CRISP2: variants seen among roughly 807,000 people sequenced by gnomAD.
CRISP2 encodes cysteine-rich secretory protein 2.
Under a neutral mutation model 31.7 loss-of-function variants are expected in CRISP2, and 29 were observed. The observed-to-expected ratio is 0.92, with a 90% confidence interval of 0.68 to 1.25. The LOEUF is 1.25. CRISP2 is among the 50% of genes most tolerant of loss of function. CRISP2 has a pLI of 0.00. For missense variants in CRISP2, 318 were observed against 286.5 expected, an observed-to-expected ratio of 1.11 and a Z score of -0.79; for synonymous variants, 111 against 101.4, an observed-to-expected ratio of 1.09 and a Z score of -0.57.
the CRISP2 span, among the ~76,000 whole-genome samples, chr6:49,687,135 T>C: frequency 6.6e-6 from 1 of 152,112 alleles, no homozygotes; most frequent in Non-Finnish European, 1.5e-5. Flanking sequence ...CACACCAACA[T>C]GTCACATGTA....
the CRISP2 span, among the ~76,000 whole-genome samples, chr6:49,679,226 A>G: frequency 2.0e-5 from 3 of 152,154 alleles, no homozygotes; most frequent in African/African-American, 7.2e-5. Flanking sequence ...TTATGCACCA[A>G]GTATTGCTCA....
intron 2 of CRISP2, among the ~76,000 whole-genome samples, chr6:49,711,581 G>A (rs896849768): frequency 3.9e-5 from 6 of 152,120 alleles, no homozygotes; most frequent in Non-Finnish European, 8.8e-5. Context: ...TTAGGCACAC[G>A]ATAATCTGCA....
At chr6:49,697,558 C>T (rs1440674134) in intron 8 of CRISP2, 2 of 465,904 alleles carry the variant, frequency 4.3e-6, no homozygotes, top group East Asian at 1.3e-4. Context: ...GTGATGATAC[C>T]AATTCTAGAG....
Position 49,695,900 on chromosome 6 carries a change from A to G in CRISP2, c.540T>C (p.Asn180=), listed in dbSNP as rs1764658463. 1 of 1,611,314 alleles carries G rather than the reference A, an allele frequency of 6.2e-7. No individual in the cohort carries two copies. Among genetic ancestry groups the G allele is most frequent in the South Asian group, 1.1e-5 (1 of 90,700 alleles). Residue 180 remains asparagine, a synonymous_variant, in exon 9 of 10, where the codon AAT becomes AAC. Coordinates refer to ENST00000339139, the MANE Select transcript of CRISP2 (RefSeq NM_003296.4). Reference sequence around the variant, plus strand: ...AAGGTGTTCCTTGTTGGTACGGGGTATTCTTTCTATTCATATTATTACCAC... The same window carrying G: ...AAGGTGTTCCTTGTTGGTACGGGGTGTTCTTTCTATTCATATTATTACCAC... ...CPAGNNMNRK[N]TPYQQGTPCA...
At chr6:49,681,033 A>G in the CRISP2 span, among the ~76,000 whole-genome samples, 2 of 152,170 alleles carry the variant, frequency 1.3e-5, no homozygotes, top group Admixed American at 6.5e-5. Context: ...TTTTGTTGCA[A>G]TTGCTTTTGG....
chr6:49,684,132 C>G, the CRISP2 span, among the ~76,000 whole-genome samples: 1 of 151,926 alleles, frequency 6.6e-6, no homozygotes. Context: ...GGATAAAGTG[C>G]AAAAATGAAT....
At chr6:49,709,240 A>G in intron 3 of CRISP2, 35 bp from the exon 4 acceptor site, 1 of 1,599,288 alleles carries the variant, frequency 6.3e-7, no homozygotes, top group Non-Finnish European at 8.5e-7. Flanking sequence ...GCATTGAAAT[A>G]TGTAGTTTAA....
chr6:49,687,441 C>A (rs898060878), downstream of CRISP2, among the ~76,000 whole-genome samples: 1 of 152,168 alleles, frequency 6.6e-6, no homozygotes, highest in African/African-American at 2.4e-5. Context: ...TTATCTAACT[C>A]TTCCTGTCCT....
chr6:49,691,427 T>C (rs1764050383), downstream of CRISP2, among the ~76,000 whole-genome samples: 3 of 152,220 alleles, frequency 2.0e-5, no homozygotes, highest in Non-Finnish European at 1.5e-5. Context: ...ATATATTCTA[T>C]AATAGGCAAT....
chr6:49,705,098 C>A (rs779415099), intron 4 of CRISP2, among the ~76,000 whole-genome samples: 23 of 152,036 alleles, frequency 1.5e-4, no homozygotes, highest in Admixed American at 1.1e-3. Flanking sequence ...TTGTCTTTGG[C>A]TACCAGGTTG....
chr6:49,698,569 C>G, intron 6 of CRISP2, 62 bp from the exon 7 acceptor site: 1 of 1,519,842 alleles, frequency 6.6e-7, no homozygotes, highest in Non-Finnish European at 8.8e-7. Context: ...AAATTGACTA[C>G]ACAAACACAA....
the CRISP2 span, among the ~76,000 whole-genome samples, chr6:49,682,360 A>G: frequency 1.6e-4 from 24 of 152,138 alleles, no homozygotes; most frequent in Admixed American, 1.6e-3. Flanking sequence ...TACACTTTCA[A>G]CATGTCCAAA....
downstream of CRISP2, among the ~76,000 whole-genome samples, chr6:49,690,755 T>C (rs571128606): frequency 1.3e-5 from 2 of 152,172 alleles, no homozygotes; most frequent in East Asian, 3.9e-4. Context: ...CATTAACATT[T>C]TGAAAAATTA....
intron 5 of CRISP2, 21 bp downstream of exon 5, chr6:49,700,647 C>T: frequency 1.4e-6 from 2 of 1,466,078 alleles, no homozygotes. Flanking sequence ...ACACCCATCT[C>T]CTTACAGCAC....
intron 9 of CRISP2, 86 bp from the exon 10 acceptor site, chr6:49,692,986 A>C (rs1284663546): frequency 9.1e-6 from 13 of 1,425,850 alleles, no homozygotes; most frequent in Admixed American, 5.3e-5. Flanking sequence ...GGGAGGGGGT[A>C]GGAGGGAACA....
Position 49,701,690 on chromosome 6 carries a change from T to TATGTATACATATATA in CRISP2, c.67-907_67-906insTATATATGTATACAT, listed in dbSNP as rs1561876495. 1.9e-4 allele frequency among the ~76,000 whole-genome samples: 21 copies of TATGTATACATATATA among 112,442 alleles called. 1 individual carries two copies. The highest frequency in any genetic ancestry group is 8.5e-4 in the African/African-American group (21 of 24,834). 73.8% of individuals were successfully genotyped at this position (112,442 alleles called of 152,430 possible). On this transcript the variant is annotated intron_variant, in intron 4 of 9. Transcript: ENST00000339139. ...ATACATTATATATGTATACATTATA[T>TATGTATACATATATA]ATGTATACATTATGTATACATATAT... is the stretch of plus-strand genomic sequence containing the variant.
the CRISP2 span, among the ~76,000 whole-genome samples, chr6:49,678,123 A>G: frequency 1.3e-5 from 2 of 152,268 alleles, no homozygotes; most frequent in South Asian, 2.1e-4. Flanking sequence ...TCAGAATTAT[A>G]AAACAAAAAT....
At chr6:49,697,437 A>G (rs988632486) in intron 8 of CRISP2, among the ~76,000 whole-genome samples, 1 of 146,436 alleles carries the variant, frequency 6.8e-6, no homozygotes, top group African/African-American at 2.8e-5. Flanking sequence ...TTACATAAGC[A>G]GAAGTAGGAA....
chr6:49,682,655 T>C, the CRISP2 span, among the ~76,000 whole-genome samples: 349 of 51,978 alleles, frequency 6.7e-3, 2 homozygotes, highest in African/African-American at 0.029. Flanking sequence ...TCTTTCTTTC[T>C]TTTCTTTCTT....
Sources: gnomAD v4.1 joint callset for allele counts (sites outside exome capture counted in the v4.1 genomes callset) on GRCh38, gnomAD v4.1.1 for gene constraint, MANE v1.5 for transcripts, NCBI Gene and HGNC (gene_info 2026-07-23, HGNC 2026-07-21) for gene names.